Variants in DLGAP2 observed in about 807,000 individuals in gnomAD.
DLGAP2 encodes the protein disks large-associated protein 2.
In DLGAP2, 26 loss-of-function variants were observed where a neutral mutation model predicts 100.3. The ratio of observed to expected loss-of-function variants is 0.26; its 90% CI spans 0.19 to 0.36. DLGAP2 has a LOEUF of 0.36. DLGAP2 is among the 10% of genes least tolerant of loss of function. The pLI is 1.00. For missense variants in DLGAP2, 1,858 were observed against 1,453.2 expected, an observed-to-expected ratio of 1.28 and a Z score of -4.53; for synonymous variants, 886 against 630.1, an observed-to-expected ratio of 1.41 and a Z score of -6.08.
intron 2 of DLGAP2, among the ~76,000 whole-genome samples, chr8:1,219,595 G>A (rs767921642): frequency 7.9e-5 from 12 of 152,138 alleles, no homozygotes; most frequent in Admixed American, 3.9e-4. Context: ...TTGTATCTCT[G>A]CCAGGTTTTG....
chr8:1,546,881 G>C (rs188878522), intron 4 of DLGAP2, among the ~76,000 whole-genome samples: 1 of 152,144 alleles, frequency 6.6e-6, no homozygotes, highest in Non-Finnish European at 1.5e-5. Flanking sequence ...CATGGAGGTG[G>C]TCCAGGAGAG....
intron 3 of DLGAP2, among the ~76,000 whole-genome samples, chr8:1,336,443 T>G (rs1456908598): frequency 6.6e-6 from 1 of 152,142 alleles, no homozygotes; most frequent in African/African-American, 2.4e-5. Context: ...GGTAGAAGTC[T>G]GGGCTCTTTC....
chr8:1,054,363 T>A (rs1802815286), intron 2 of DLGAP2, among the ~76,000 whole-genome samples: 1 of 152,172 alleles, frequency 6.6e-6, no homozygotes, highest in African/African-American at 2.4e-5. Flanking sequence ...TGTGTCCCTG[T>A]TTCAGTGTCC....
chr8:1,302,739 G>A (rs945717628), intron 3 of DLGAP2: 3 of 152,280 alleles, frequency 2.0e-5, no homozygotes, highest in Non-Finnish European at 2.9e-5. Flanking sequence ...CAGTGAGGTC[G>A]AAGGGAAGGG....
intron 2 of DLGAP2, among the ~76,000 whole-genome samples, chr8:954,810 G>A (rs1481608026): frequency 6.6e-6 from 1 of 152,112 alleles, no homozygotes; most frequent in African/African-American, 2.4e-5. Flanking sequence ...TTGAGGGTAG[G>A]GCTGGTATGG....
intron 3 of DLGAP2, among the ~76,000 whole-genome samples, chr8:1,483,859 T>C (rs533788377): frequency 1.3e-5 from 2 of 152,222 alleles, no homozygotes; most frequent in Non-Finnish European, 2.9e-5. Flanking sequence ...TTGCTCACAA[T>C]TGTTCATTGA....
intron 1 of DLGAP2, among the ~76,000 whole-genome samples, chr8:741,847 C>A (rs779865017): frequency 1.3e-5 from 2 of 152,146 alleles, no homozygotes; most frequent in Non-Finnish European, 2.9e-5. Context: ...CGGGAACTTT[C>A]AAGGAGAGGA....
chr8:810,320 TTG>T (rs1357335292), intron 1 of DLGAP2, among the ~76,000 whole-genome samples: 1 of 152,262 alleles, frequency 6.6e-6, no homozygotes, highest in African/African-American at 2.4e-5. Flanking sequence ...CTGCTTCATA[TTG>T]TTTTAGTCAT....
intron 4 of DLGAP2, among the ~76,000 whole-genome samples, chr8:1,523,320 G>C (rs1800674161): frequency 6.6e-6 from 1 of 152,250 alleles, no homozygotes; most frequent in Non-Finnish European, 1.5e-5. Context: ...ACACGACAGA[G>C]AACAGCGTCA....
chr8:1,549,488 C>T lies in DLGAP2; in HGVS notation c.1035C>T (p.Ser345=). 6.2e-7 allele frequency: 1 copy of T among 1,613,558 alleles called. No homozygotes were observed. The highest frequency in any genetic ancestry group is 1.1e-5 in the South Asian group (1 of 91,084). ...FGDLSLKTSK[S]NNDVKCSACE... ...ACCTGTCCCTCAAGACCTCCAAGAGCAACAACGACGTCAAGTGCTCGGCCT... is the reference window on the plus strand; with the variant it reads ...ACCTGTCCCTCAAGACCTCCAAGAGTAACAACGACGTCAAGTGCTCGGCCT... The change falls in exon 5 of 15, where the codon AGC becomes AGT. Residue 345 remains serine (S), a synonymous_variant. Transcript: ENST00000637795.
intron 3 of DLGAP2, among the ~76,000 whole-genome samples, chr8:1,308,903 A>G (rs997535552): frequency 3.9e-5 from 6 of 152,210 alleles, no homozygotes; most frequent in African/African-American, 1.2e-4. Flanking sequence ...GAAGAAAATT[A>G]AAGAGATCCA....
chr8:972,761 C>T (rs906430826), intron 2 of DLGAP2, among the ~76,000 whole-genome samples: 23 of 152,194 alleles, frequency 1.5e-4, no homozygotes, highest in African/African-American at 5.3e-4. Context: ...GCAGAGGACC[C>T]TGCGGCCTTC....
In DLGAP2 at chr8:1,560,358, C is replaced by T. The variant is rs972971888; in HGVS notation, c.1231-5325C>T. ...TGGGTAGTATCCATCCTGTGCTTTT[C>T]GCCCTCGTGAGCATCTTTTCATCGC... On this transcript the variant is annotated intron_variant, in intron 5 of 14. Coordinates refer to ENST00000637795, the MANE Select transcript of DLGAP2 (RefSeq NM_001346810.2). 9.2e-5 allele frequency among the ~76,000 whole-genome samples: 14 copies of T among 152,214 alleles called. No homozygotes were observed. The East Asian group carries it at 9.6e-4, about 10-fold the overall frequency.
chr8:1,234,660 C>G (rs1049738535), intron 2 of DLGAP2, among the ~76,000 whole-genome samples: 3 of 152,122 alleles, frequency 2.0e-5, no homozygotes, highest in Admixed American at 6.5e-5. Context: ...TGGAACAGAT[C>G]GAGAACGAGG....
At chr8:849,117 C>G (rs1797131471) in intron 1 of DLGAP2, among the ~76,000 whole-genome samples, 1 of 150,512 alleles carries the variant, frequency 6.6e-6, no homozygotes, top group Non-Finnish European at 1.5e-5. Flanking sequence ...TGTGCAGTGT[C>G]TGTTCTGGTA....
chr8:1,348,408 C>G (rs954319544), intron 3 of DLGAP2, among the ~76,000 whole-genome samples: 4 of 149,840 alleles, frequency 2.7e-5, no homozygotes, highest in African/African-American at 9.8e-5. Context: ...CTGCGCTGCT[C>G]TCATGGTAAC....
At position 1,339,982 on chromosome 8, in the gene DLGAP2, A is replaced by G. The variant is rs149203478; in HGVS notation, c.106+81099A>G. On this transcript the variant is annotated intron_variant, in intron 3 of 14. Coordinates refer to ENST00000637795, the MANE Select transcript of DLGAP2 (RefSeq NM_001346810.2). ...AAATGTACATGAGAAAATCATTCAA[A>G]TACCTTATGTTTAGAAAGGGTTCCT... Among the ~76,000 whole-genome samples, 397 of 152,354 alleles carry G rather than the reference A, an allele frequency of 2.6e-3. 1 individual carries two copies. Among genetic ancestry groups the G allele is most frequent in the African/African-American group, 6.4e-3 (267 of 41,580 alleles).
At chr8:1,687,084 A>T (rs986782276) in intron 12 of DLGAP2, among the ~76,000 whole-genome samples, 18 of 152,162 alleles carry the variant, frequency 1.2e-4, no homozygotes, top group African/African-American at 4.3e-4. Flanking sequence ...GATTTCTGGG[A>T]GCCATAGCTT....
In DLGAP2 at chr8:1,222,522, T is replaced by C. The variant is rs188180883; in HGVS notation, c.74-36329T>C. 2.8e-4 allele frequency among the ~76,000 whole-genome samples: 42 copies of C among 152,220 alleles called. 1 individual carries two copies. The East Asian group carries it at 8.0e-3, about 29-fold the overall frequency. ...CAGTGGGGGCTGCTAGCCAAAGTGC[T>C]CTTGCAGAGTGATGGTAAGTACGTA... On this transcript the variant is annotated intron_variant, in intron 2 of 14. Transcript: ENST00000637795.
Sources: gnomAD v4.1 joint callset for allele counts (sites outside exome capture counted in the v4.1 genomes callset) on GRCh38, gnomAD v4.1.1 for gene constraint, MANE v1.5 for transcripts, NCBI Gene and HGNC (gene_info 2026-07-23, HGNC 2026-07-21) for gene names.